Variants in CAMK2G observed in about 807,000 individuals in gnomAD.
CAMK2G encodes the protein calcium/calmodulin-dependent protein kinase type II subunit gamma.
Under a neutral mutation model 88.7 loss-of-function variants are expected in CAMK2G, and 23 were observed. The observed-to-expected ratio is 0.26, with a 90% CI of 0.19 to 0.37. CAMK2G has a LOEUF of 0.37. Ranked by LOEUF, CAMK2G falls within the 10% of genes least tolerant of loss-of-function variation. The probability of loss-of-function intolerance (pLI) is 1.00; values close to 1 mark genes in which losing one functional copy is unlikely to be tolerated. For synonymous variants in CAMK2G, 263 were observed against 294.8 expected (o/e 0.89, Z 1.11); for missense variants, 476 against 780.8 (o/e 0.61, Z 4.65).
intron 14 of CAMK2G, among the ~76,000 whole-genome samples, chr10:73,833,672 G>A (rs980294478): frequency 2.2e-4 from 33 of 147,918 alleles, no homozygotes; most frequent in African/African-American, 7.3e-4. Flanking sequence ...CCCAGCTCAC[G>A]GCAACCTCTG....
At chr10:73,820,660 CTAA>C (rs2088070997) in intron 18 of CAMK2G, among the ~76,000 whole-genome samples, 1 of 98,046 alleles carries the variant, frequency 1.0e-5, no homozygotes, top group Non-Finnish European at 2.0e-5. Flanking sequence ...CCACACCCGG[CTAA>C]TTTTTTTTTT....
chr10:73,817,090 G>A lies in CAMK2G; in HGVS notation c.1467C>T (p.Ser489=), dbSNP rs1311901411. The change falls in exon 21 of 23, where the codon TCC becomes TCT. Residue 489 remains serine (S), a synonymous_variant. Coordinates refer to ENST00000423381, the MANE Select transcript of CAMK2G (RefSeq NM_001367534.1). ...YTKICDPGLT[S]FEPEALGNLV... ...GGTTACCAAGGGCCTCAGGCTCAAA[G>A]GAAGTGAGGCCTGGATCACAAATCT... 2 of 1,613,416 alleles carry A rather than the reference G, an allele frequency of 1.2e-6. No individual in the cohort carries two copies. Among genetic ancestry groups the A allele is most frequent in the African/African-American group, 2.7e-5 (2 of 74,842 alleles).
intron 3 of CAMK2G, among the ~76,000 whole-genome samples, chr10:73,858,525 T>G (rs1381946893): frequency 6.6e-6 from 1 of 152,164 alleles, no homozygotes; most frequent in Non-Finnish European, 1.5e-5. Context: ...GGACACAGTC[T>G]TGACTCCCCC....
intron 3 of CAMK2G, among the ~76,000 whole-genome samples, chr10:73,856,196 T>C (rs915239721): frequency 1.3e-5 from 2 of 152,168 alleles, no homozygotes; most frequent in African/African-American, 4.8e-5. Context: ...CTCTGCAGGG[T>C]AGCTACTTAC....
At position 73,842,062 on chromosome 10, in the gene CAMK2G, G is replaced by A; in HGVS notation, c.946+107C>T. On this transcript the variant is annotated intron_variant, in intron 12 of 22. Transcript: ENST00000423381. The surrounding 1 kb of genome is among the most constrained non-coding windows in gnomAD (Gnocchi z 4.6). Reference sequence around the variant, plus strand: ...AGGATCCTCACTCGCCCTGGTCAAGGTGTGGCCCAGGACGCCGAGGAAACC... The same window carrying A: ...AGGATCCTCACTCGCCCTGGTCAAGATGTGGCCCAGGACGCCGAGGAAACC... 1 of 847,426 alleles carries A rather than the reference G, an allele frequency of 1.2e-6. No individual in the cohort carries two copies. The highest frequency in any genetic ancestry group is 1.7e-5 in the Admixed American group (1 of 58,392). 52.5% of individuals were successfully genotyped at this position (847,426 alleles called of 1,614,324 possible). A position where few individuals can be genotyped will look rare whatever the true frequency, so the allele number is the denominator to read the frequency against.
At chr10:73,850,124 T>C (rs1194331073) in intron 5 of CAMK2G, among the ~76,000 whole-genome samples, 1 of 152,148 alleles carries the variant, frequency 6.6e-6, no homozygotes, top group African/African-American at 2.4e-5. Context: ...GCCTCCCCAG[T>C]AGCTGGGACC....
At chr10:73,818,630 AG>A (rs749871596) in intron 19 of CAMK2G, 8 of 450,500 alleles carry the variant, frequency 1.8e-5, no homozygotes, top group Non-Finnish European at 2.7e-5. Flanking sequence ...CACATCCAGG[AG>A]GGGGCCCCAC....
At chr10:73,826,010 G>A (rs1375293381) in intron 15 of CAMK2G, among the ~76,000 whole-genome samples, 4 of 152,130 alleles carry the variant, frequency 2.6e-5, no homozygotes, top group African/African-American at 9.7e-5. Flanking sequence ...TCCGGGGAGG[G>A]GCAGGTGAAA....
At chr10:73,816,003 A>G in intron 21 of CAMK2G, 1 of 985,286 alleles carries the variant, frequency 1.0e-6, no homozygotes, top group Non-Finnish European at 1.2e-6. Context: ...TACTTAGATA[A>G]CAGAGAGTTT....
At chr10:73,853,051 T>C in intron 4 of CAMK2G, 141 bp downstream of exon 4, 1 of 751,724 alleles carries the variant, frequency 1.3e-6, no homozygotes, top group African/African-American at 1.8e-5. Context: ...GGCAGCAATC[T>C]GCCCCAGTCA....
At position 73,817,078 on chromosome 10, in the gene CAMK2G, C is replaced by T; in HGVS notation, c.1479G>A (p.Glu493=). 6.2e-7 allele frequency: 1 copy of T among 1,613,942 alleles called. No homozygotes were observed. The highest frequency in any genetic ancestry group is 8.5e-7 in the Non-Finnish European group (1 of 1,179,890). Residue 493 remains glutamate (E), a synonymous_variant, in exon 21 of 23, where the codon GAG becomes GAA. Coordinates refer to ENST00000423381, the MANE Select transcript of CAMK2G (RefSeq NM_001367534.1). Reference sequence around the variant, plus strand: ...TCCCCTCCACGAGGTTACCAAGGGCCTCAGGCTCAAAGGAAGTGAGGCCTG... The same window carrying T: ...TCCCCTCCACGAGGTTACCAAGGGCTTCAGGCTCAAAGGAAGTGAGGCCTG... ...CDPGLTSFEP[E]ALGNLVEGMD...
intron 1 of CAMK2G, chr10:73,873,430 AC>A (rs1391379945): frequency 4.3e-6 from 5 of 1,163,800 alleles, no homozygotes; most frequent in Non-Finnish European, 4.3e-6. Context: ...GGCCAAGAGA[AC>A]CAGGGCAGAA....
intron 14 of CAMK2G, among the ~76,000 whole-genome samples, chr10:73,829,024 G>A (rs2091837714): frequency 6.6e-6 from 1 of 152,224 alleles, no homozygotes; most frequent in South Asian, 2.1e-4. Flanking sequence ...ATGTCCGTCT[G>A]TCGTTCAACT....
chr10:73,817,581 T>C, intron 19 of CAMK2G, 27 bp from the exon 20 acceptor site: 2 of 1,528,110 alleles, frequency 1.3e-6, no homozygotes, highest in Non-Finnish European at 1.8e-6. Context: ...TCCATCAATT[T>C]ACCTACTGGG....
intron 5 of CAMK2G, 116 bp from the exon 6 acceptor site, chr10:73,849,449 TC>T: frequency 1.4e-6 from 1 of 690,304 alleles, no homozygotes; most frequent in Non-Finnish European, 2.6e-6. Flanking sequence ...TCACAGAGAA[TC>T]ACTTAACGGC....
Position 73,842,530 on chromosome 10 carries a change from C to T in CAMK2G, c.831G>A (p.Thr277=), listed in dbSNP as rs749564168. The T allele has an allele frequency of 1.7e-5, 27 of 1,612,538 alleles. No homozygotes were observed. Among genetic ancestry groups the T allele is most frequent in the Admixed American group, 3.3e-5 (2 of 59,994 alleles). The change falls in exon 11 of 23, where the codon ACG becomes ACA. Residue 277 remains threonine, a synonymous_variant. Coordinates refer to ENST00000423381, the MANE Select transcript of CAMK2G (RefSeq NM_001367534.1). The surrounding 1 kb of genome is among the most constrained non-coding windows in gnomAD (Gnocchi z 4.6). ...CCTGACGATGCATCATGGATGCCAC[C>T]GTGGATCGTTGCTAGAAACCAAACA... is the stretch of plus-strand genomic sequence containing the variant. ...LKHPWVCQRS[T]VASMMHRQET... is the part of the protein sequence containing the mutation.
At chr10:73,857,399 AGT>A (rs1189965881) in intron 3 of CAMK2G, among the ~76,000 whole-genome samples, 1 of 152,160 alleles carries the variant, frequency 6.6e-6, no homozygotes, top group African/African-American at 2.4e-5. Context: ...CAGAGGTCAC[AGT>A]TACTAATTAG....
At chr10:73,862,180 C>A (rs1469423198) in intron 2 of CAMK2G, among the ~76,000 whole-genome samples, 1 of 152,010 alleles carries the variant, frequency 6.6e-6, no homozygotes, top group Admixed American at 6.6e-5. Context: ...GGAGGCCTCA[C>A]AGCCCTCCCC....
chr10:73,854,915 A>C (rs1347841656), intron 3 of CAMK2G, among the ~76,000 whole-genome samples: 1 of 152,098 alleles, frequency 6.6e-6, no homozygotes, highest in Non-Finnish European at 1.5e-5. Context: ...ACTCAACCCC[A>C]AAAATCCCAT....
Sources: gnomAD v4.1 joint callset for allele counts (sites outside exome capture counted in the v4.1 genomes callset) on GRCh38, gnomAD v4.1.1 for gene constraint, Gnocchi (gnomAD v3.1) non-coding constraint, MANE v1.5 for transcripts, NCBI Gene and HGNC (gene_info 2026-07-23, HGNC 2026-07-21) for gene names.